The following SNX10 variants were observed in gnomAD, a reference collection of about 807,000 sequenced individuals.
SNX10 encodes sorting nexin 10, also known as sorting nexin-10.
SNX10 carries 25 observed loss-of-function variants against 28.5 expected under a neutral mutation model. The observed-to-expected ratio is 0.88, with a 90% CI of 0.64 to 1.22. The LOEUF (loss-of-function observed/expected upper bound fraction) is 1.22. SNX10 is among the 50% of genes most tolerant of loss of function. SNX10 has a pLI of 0.00. For synonymous variants in SNX10, 62 were observed against 81.4 expected (o/e 0.76, Z 1.28); for missense variants, 223 against 242.6 (o/e 0.92, Z 0.54).
intron 5 of SNX10, among the ~76,000 whole-genome samples, chr7:26,370,080 T>C (rs569767940): frequency 6.6e-6 from 1 of 152,308 alleles, no homozygotes; most frequent in Admixed American, 6.5e-5. Context: ...ATAAAACACA[T>C]TTCCAACAGA....
At chr7:26,361,649 A>G (rs1214920871) in intron 3 of SNX10, among the ~76,000 whole-genome samples, 2 of 152,238 alleles carry the variant, frequency 1.3e-5, no homozygotes, top group African/African-American at 4.8e-5. Flanking sequence ...CATCTTAAAC[A>G]AGGGTAAGCA....
intron 1 of SNX10, among the ~76,000 whole-genome samples, chr7:26,303,348 C>T (rs939990924): frequency 1.3e-5 from 2 of 152,184 alleles, no homozygotes; most frequent in Non-Finnish European, 2.9e-5. Context: ...CACTCCTCTC[C>T]CAAGGCCCAA....
In SNX10 at chr7:26,360,979, T is replaced by C; in HGVS notation, c.29T>C (p.Phe10Ser). The change falls in exon 3 of 7, where the codon TTT (phenylalanine) becomes TCT (serine). Residue 10 changes from phenylalanine to serine, a missense_variant. Coordinates refer to ENST00000338523, the MANE Select transcript of SNX10 (RefSeq NM_013322.3). MFPEQQKEEFVSVWVRDPRI... is the reference protein window; with the variant it reads MFPEQQKEESVSVWVRDPRI... ...TTGTTTATGATGCCATTACAGGAAT[T>C]TGTAAGTGTCTGGGTTCGAGATCCT... 6.2e-7 allele frequency: 1 copy of C among 1,613,232 alleles called. No individual in the cohort carries two copies. Among genetic ancestry groups the C allele is most frequent in the Non-Finnish European group, 8.5e-7 (1 of 1,179,778 alleles).
intron 1 of SNX10, among the ~76,000 whole-genome samples, chr7:26,327,726 CTTTT>C (rs70943293): frequency 4.5e-5 from 4 of 89,116 alleles, no homozygotes. Flanking sequence ...GCATTCTTTT[CTTTT>C]TTTTTTTTTT....
rs1031403885 is a variant in SNX10 at position 26,361,041 on chromosome 7, G to A, written c.91G>A (p.Asp31Asn). Residue 31 changes from aspartate to asparagine, a missense_variant, in exon 3 of 7, where the codon GAC becomes AAC. Transcript: ENST00000338523. ...GGAGGACTTCTGGCATTCTTACATTGACTATGAGATATGTATTCATGTAAG... is the reference window on the plus strand; with the variant it reads ...GGAGGACTTCTGGCATTCTTACATTAACTATGAGATATGTATTCATGTAAG... ...QKEDFWHSYI[D>N]YEICIHTNSM... is the part of the protein sequence containing the mutation. 26 of 1,603,772 alleles carry A rather than the reference G, an allele frequency of 1.6e-5. No individual in the cohort carries two copies. Among genetic ancestry groups the A allele is most frequent in the Non-Finnish European group, 2.1e-5 (25 of 1,171,542 alleles).
At chr7:26,346,041 G>C (rs917519447) in intron 1 of SNX10, among the ~76,000 whole-genome samples, 1 of 152,140 alleles carries the variant, frequency 6.6e-6, no homozygotes, top group African/African-American at 2.4e-5. Flanking sequence ...GCTGCCTCTG[G>C]TGGTGGATCT....
At chr7:26,325,838 C>T (rs1300783262) in intron 1 of SNX10, among the ~76,000 whole-genome samples, 1 of 151,768 alleles carries the variant, frequency 6.6e-6, no homozygotes, top group Admixed American at 6.6e-5. Flanking sequence ...AGCGATTCTC[C>T]TGCCTCAGCC....
chr7:26,307,219 A>C (rs757101551), intron 1 of SNX10, among the ~76,000 whole-genome samples: 1 of 152,068 alleles, frequency 6.6e-6, no homozygotes, highest in Non-Finnish European at 1.5e-5. Flanking sequence ...TCCTTTCCTT[A>C]TCTCAGCCCC....
At chr7:26,329,951 A>T (rs867383476) in intron 1 of SNX10, among the ~76,000 whole-genome samples, 3 of 152,114 alleles carry the variant, frequency 2.0e-5, no homozygotes, top group South Asian at 2.1e-4. Context: ...GGAGGTCCAC[A>T]GGGAGATGGG....
In SNX10 at chr7:26,371,904, CGT is replaced by C; in HGVS notation, c.400_401del (p.Val134PhefsTer5). On this transcript the variant is annotated frameshift_variant, in exon 6 of 7. Transcript: ENST00000338523. LOFTEE classifies it high-confidence loss of function. The stretch of plus-strand genomic sequence containing the variant: ...CATCTGAATTCAGAAGACATTGAGG[CGT>C]GTGTTTCTGGGCAGACTAAGTACTC... 1 of 1,613,426 alleles carries C rather than the reference CGT, an allele frequency of 6.2e-7. No homozygotes were observed.
chr7:26,300,953 A>G (rs1786311292), intron 1 of SNX10, among the ~76,000 whole-genome samples: 1 of 123,118 alleles, frequency 8.1e-6, no homozygotes. Context: ...TGGGAGGTGG[A>G]GGTGGCAGTG....
chr7:26,299,002 T>C (rs879783466), intron 1 of SNX10, among the ~76,000 whole-genome samples: 10 of 152,184 alleles, frequency 6.6e-5, no homozygotes, highest in Admixed American at 5.9e-4. Flanking sequence ...GGCTTTACTA[T>C]ATGCATTTTG....
chr7:26,321,130 A>G (rs941747670), intron 1 of SNX10, among the ~76,000 whole-genome samples: 2 of 152,180 alleles, frequency 1.3e-5, no homozygotes, highest in Non-Finnish European at 2.9e-5. Context: ...AAGTGTGAAC[A>G]TTGGCCTGTT....
In SNX10 at chr7:26,364,512, AT is replaced by A; in HGVS notation, c.112-18del. 6.3e-7 allele frequency: 1 copy of A among 1,591,550 alleles called. No individual in the cohort carries two copies. Among genetic ancestry groups the A allele is most frequent in the Non-Finnish European group, 8.6e-7 (1 of 1,169,100 alleles). On this transcript the variant is annotated intron_variant, in intron 3 of 6. Transcript: ENST00000338523. The surrounding 1 kb of genome is among the most constrained non-coding windows in gnomAD (Gnocchi z 4.9). ...GCATTTTTTTCCTCAGGTAAGACTC[AT>A]TTTTCTACTTTCTCTGTACAGACTA...
intron 1 of SNX10, among the ~76,000 whole-genome samples, chr7:26,339,667 T>A (rs1219870223): frequency 6.6e-6 from 1 of 151,690 alleles, no homozygotes; most frequent in Non-Finnish European, 1.5e-5. Flanking sequence ...GTAGCTGGAA[T>A]TACAGGGTAG....
At chr7:26,309,789 T>C (rs1786748425) in intron 1 of SNX10, among the ~76,000 whole-genome samples, 1 of 152,146 alleles carries the variant, frequency 6.6e-6, no homozygotes, top group African/African-American at 2.4e-5. Flanking sequence ...TGAGGGCTCC[T>C]CTGAGTCTGG....
chr7:26,322,713 C>T (rs879712505), intron 1 of SNX10, among the ~76,000 whole-genome samples: 1 of 151,984 alleles, frequency 6.6e-6, no homozygotes, highest in Non-Finnish European at 1.5e-5. Flanking sequence ...GCAGAATAAA[C>T]AAAAAAGGTT....
intron 5 of SNX10, chr7:26,370,304 CAA>C (rs1397074225): frequency 1.3e-5 from 2 of 152,138 alleles, no homozygotes; most frequent in East Asian, 3.9e-4. Context: ...AAATAAATCT[CAA>C]AGAGTAGTAA....
intron 1 of SNX10, among the ~76,000 whole-genome samples, chr7:26,320,622 G>A (rs188600510): frequency 1.3e-3 from 201 of 151,560 alleles, no homozygotes; most frequent in African/African-American, 4.7e-3. Context: ...TACTAGAGAC[G>A]GGGGTTTCAC....
Sources: allele counts gnomAD v4.1 joint callset (sites outside exome capture counted in the v4.1 genomes callset), GRCh38; gene constraint gnomAD v4.1.1; non-coding constraint Gnocchi (gnomAD v3.1); transcripts MANE v1.5; gene names NCBI Gene and HGNC (gene_info 2026-07-23, HGNC 2026-07-21).